CYTH3: variants seen among roughly 807,000 people sequenced by gnomAD.
CYTH3 encodes cytohesin 3, also known as cytohesin-3.
In CYTH3, 23 loss-of-function variants were observed where a neutral mutation model predicts 55.1. The observed-to-expected ratio is 0.42, with a 90% CI of 0.30 to 0.59. CYTH3 has a LOEUF of 0.59. Among genes scored for constraint, CYTH3 ranks in the 20% least tolerant of loss-of-function variants. The pLI, the probability that CYTH3 is intolerant of heterozygous loss-of-function variation, is 0.20. For synonymous variants in CYTH3, 249 were observed against 194.9 expected, an observed-to-expected ratio of 1.28 and a Z score of -2.31; for missense variants, 413 against 524.8, an observed-to-expected ratio of 0.79 and a Z score of 2.08.
In CYTH3 at chr7:6,272,583, G is replaced by A. The variant is rs1304199366; in HGVS notation, c.-76C>T. On this transcript the variant is annotated 5_prime_UTR_variant, in exon 1 of 13. Transcript: ENST00000350796. The stretch of plus-strand genomic sequence containing the variant: ...CGCGGGCTGGGGACGCCGCCGGAGG[G>A]AGCGCGCAGGCGACCGGGCGGCTCC... 1.8e-6 allele frequency: 2 copies of A among 1,111,714 alleles called. No individual in the cohort carries two copies. Among genetic ancestry groups the A allele is most frequent in the Non-Finnish European group, 1.1e-6 (1 of 907,750 alleles). The allele number at this position is 1,111,714 out of a possible 1,614,324, so 68.9% of individuals were successfully genotyped here. A position where few individuals can be genotyped will look rare whatever the true frequency, so the allele number is the denominator to read the frequency against.
At chr7:6,225,631 C>G (rs1019388108) in intron 1 of CYTH3, among the ~76,000 whole-genome samples, 2 of 151,408 alleles carry the variant, frequency 1.3e-5, no homozygotes, top group Non-Finnish European at 2.9e-5. Context: ...GCTGGGATTA[C>G]AGGTATGAGC....
chr7:6,246,134 G>A (rs978663724), intron 1 of CYTH3, among the ~76,000 whole-genome samples: 7 of 151,530 alleles, frequency 4.6e-5, no homozygotes, highest in African/African-American at 9.7e-5. Flanking sequence ...AGACTGGAAC[G>A]CAGAGACATG....
chr7:6,185,645 G>A (rs573448910), intron 4 of CYTH3, among the ~76,000 whole-genome samples: 30 of 151,084 alleles, frequency 2.0e-4, no homozygotes, highest in South Asian at 1.9e-3. Flanking sequence ...GCTTGCGGTG[G>A]GCCGAGATCG....
intron 1 of CYTH3, among the ~76,000 whole-genome samples, chr7:6,225,882 G>A (rs1420893009): frequency 6.6e-6 from 1 of 151,836 alleles, no homozygotes; most frequent in Non-Finnish European, 1.5e-5. Flanking sequence ...GTTTCACCAT[G>A]TTGGCCAGAC....
At chr7:6,256,799 G>C (rs199900200) in intron 1 of CYTH3, among the ~76,000 whole-genome samples, 3 of 152,244 alleles carry the variant, frequency 2.0e-5, no homozygotes, top group Non-Finnish European at 2.9e-5. Context: ...GGGGAGCCAA[G>C]GGAGGGCAGG....
rs979991337 is a variant in CYTH3, at chr7:6,167,436, C to G, written c.824-1626G>C. ...GCAGAATCAGCTGACAGCAACTCCA[C>G]TACCCTGACATCCGTCACTGTCACG... On this transcript the variant is annotated intron_variant, in intron 9 of 12. Transcript: ENST00000350796. This position sits in a 1 kb window ranked among gnomAD's most constrained non-coding sequence, Gnocchi z 5.5. Among the ~76,000 whole-genome samples, 1 of 152,254 alleles carries G rather than the reference C, an allele frequency of 6.6e-6. No homozygotes were observed. Among genetic ancestry groups the G allele is most frequent in the Admixed American group, 6.5e-5 (1 of 15,290 alleles).
intron 1 of CYTH3, among the ~76,000 whole-genome samples, chr7:6,245,959 C>T (rs1169051308): frequency 6.6e-6 from 1 of 152,140 alleles, no homozygotes; most frequent in Non-Finnish European, 1.5e-5. Flanking sequence ...AATTTCTAAA[C>T]AAATACATTT....
chr7:6,211,965 G>A (rs1419671150), intron 1 of CYTH3, among the ~76,000 whole-genome samples: 1 of 152,144 alleles, frequency 6.6e-6, no homozygotes, highest in African/African-American at 2.4e-5. Flanking sequence ...CAGCCTGGGC[G>A]ACAGAGTGAG....
chr7:6,251,223 C>T (rs967109029), intron 1 of CYTH3, among the ~76,000 whole-genome samples: 18 of 151,796 alleles, frequency 1.2e-4, no homozygotes, highest in African/African-American at 4.4e-4. Flanking sequence ...TGCAGTGAGC[C>T]GAGATCACGC....
At chr7:6,210,131 G>A (rs1298648861) in intron 1 of CYTH3, among the ~76,000 whole-genome samples, 1 of 152,058 alleles carries the variant, frequency 6.6e-6, no homozygotes, top group Admixed American at 6.5e-5. Context: ...TATCAATATT[G>A]GTTTATCCAT....
At chr7:6,230,869 T>C (rs1041990306) in intron 1 of CYTH3, among the ~76,000 whole-genome samples, 4 of 152,226 alleles carry the variant, frequency 2.6e-5, no homozygotes, top group Admixed American at 1.3e-4. Context: ...TTTTCTTCTT[T>C]GTAATTTTCT....
At chr7:6,172,945 C>G (rs537372578) in intron 6 of CYTH3, 1 of 1,144,462 alleles carries the variant, frequency 8.7e-7, no homozygotes, top group African/African-American at 1.7e-5. Flanking sequence ...TCCACGTAAA[C>G]GAGAACAAGG....
Position 6,163,873 on chromosome 7 carries a change from C to G in CYTH3, c.*1071G>C, listed in dbSNP as rs1049316940. The stretch of plus-strand genomic sequence containing the variant: ...TCATTTTGCCACAGGTTTTAAATAG[C>G]GATGAATATGGTCAAAAGCCGGTCT... On this transcript the variant is annotated 3_prime_UTR_variant, in exon 13 of 13. Transcript: ENST00000350796. 1.3e-5 allele frequency: 2 copies of G among 152,134 alleles called. No individual in the cohort carries two copies. Among genetic ancestry groups the G allele is most frequent in the Non-Finnish European group, 2.9e-5 (2 of 68,036 alleles). The allele number at this position is 152,134 out of a possible 1,614,324, so 9.4% of individuals were successfully genotyped here.
intron 1 of CYTH3, among the ~76,000 whole-genome samples, chr7:6,252,086 G>C (rs1779985967): frequency 6.6e-6 from 1 of 152,160 alleles, no homozygotes; most frequent in African/African-American, 2.4e-5. Context: ...ATCTTTTATA[G>C]AAATTACACT....
Position 6,183,943 on chromosome 7 carries a change from G to T in CYTH3, c.249+3107C>A, listed in dbSNP as rs985638126. Among the ~76,000 whole-genome samples the T allele has an allele frequency of 2.7e-5, 4 of 149,916 alleles. No homozygotes were observed. In the East Asian group the frequency reaches 8.0e-4, roughly 30 times the overall value. On this transcript the variant is annotated intron_variant, in intron 4 of 12. Coordinates refer to ENST00000350796, the MANE Select transcript of CYTH3 (RefSeq NM_004227.4). ...AAGGCGGCTACTAGCAAGCCAGGAAGAGAGCCCTCACCAGACACCAATCAT... is the reference window on the plus strand; with the variant it reads ...AAGGCGGCTACTAGCAAGCCAGGAATAGAGCCCTCACCAGACACCAATCAT...
Position 6,167,183 on chromosome 7 carries a change from C to T in CYTH3, c.824-1373G>A, listed in dbSNP as rs1486622236. On this transcript the variant is annotated intron_variant, in intron 9 of 12. Coordinates refer to ENST00000350796, the MANE Select transcript of CYTH3 (RefSeq NM_004227.4). This position sits in a 1 kb window ranked among gnomAD's most constrained non-coding sequence, Gnocchi z 5.5. The stretch of plus-strand genomic sequence containing the variant: ...TTGCCCTCGTGTCCCTGTCTCACCG[C>T]GGGCTCCATGCTCTCTGCAAGCCCT... 4.6e-5 allele frequency among the ~76,000 whole-genome samples: 7 copies of T among 152,162 alleles called. No homozygotes were observed. The highest frequency in any genetic ancestry group is 9.7e-5 in the African/African-American group (4 of 41,428).
intron 1 of CYTH3, among the ~76,000 whole-genome samples, chr7:6,257,596 A>C (rs1780161216): frequency 6.6e-6 from 1 of 152,234 alleles, no homozygotes; most frequent in South Asian, 2.1e-4. Context: ...GTTAGTCTCA[A>C]AAAGAAAATA....
chr7:6,218,734 C>G (rs1026777228), intron 1 of CYTH3, among the ~76,000 whole-genome samples: 5 of 152,068 alleles, frequency 3.3e-5, no homozygotes, highest in Admixed American at 2.0e-4. Context: ...TTGCCAGGCA[C>G]GGTGGCTCAT....
At chr7:6,165,856 G>GC (rs756209300) in intron 9 of CYTH3, 46 bp from the exon 10 acceptor site, 17 of 1,601,100 alleles carry the variant, frequency 1.1e-5, no homozygotes, top group Non-Finnish European at 1.4e-5. Context: ...TGCACAGGGA[G>GC]CCCGCGGGTC....
Sources: allele counts gnomAD v4.1 joint callset (sites outside exome capture counted in the v4.1 genomes callset), GRCh38; gene constraint gnomAD v4.1.1; non-coding constraint Gnocchi (gnomAD v3.1); transcripts MANE v1.5; gene names NCBI Gene and HGNC (gene_info 2026-07-23, HGNC 2026-07-21).